The following CDK5RAP2 variants were observed in gnomAD, a reference collection of about 807,000 sequenced individuals.
The protein encoded by CDK5RAP2 is CDK5 regulatory subunit associated protein 2.
A neutral mutation model predicts 232.9 loss-of-function variants in CDK5RAP2; 147 were observed. That is an observed-to-expected ratio of 0.63 (90% CI 0.55 to 0.72). The LOEUF (loss-of-function observed/expected upper bound fraction) is 0.72. CDK5RAP2 is among the 30% of genes least tolerant of loss of function. The pLI, the probability that CDK5RAP2 is intolerant of heterozygous loss-of-function variation, is 0.00. For synonymous variants in CDK5RAP2, 833 were observed against 833.7 expected, an observed-to-expected ratio of 1.00 and a Z score of 0.01; for missense variants, 2,195 against 2,231.5, an observed-to-expected ratio of 0.98 and a Z score of 0.33.
At chr9:120,436,596 A>G (rs2035594451) in intron 25 of CDK5RAP2, among the ~76,000 whole-genome samples, 1 of 152,200 alleles carries the variant, frequency 6.6e-6, no homozygotes, top group South Asian at 2.1e-4. Context: ...CACACCCTGA[A>G]TTATCTAGGG....
chr9:120,564,847 GA>G (rs2042591996), intron 3 of CDK5RAP2, among the ~76,000 whole-genome samples: 1 of 152,218 alleles, frequency 6.6e-6, no homozygotes, highest in Non-Finnish European at 1.5e-5. Context: ...TAAAGGGAGA[GA>G]GAGATAGCAG....
chr9:120,463,970 C>T (rs142468134), intron 18 of CDK5RAP2, among the ~76,000 whole-genome samples: 3 of 152,324 alleles, frequency 2.0e-5, no homozygotes, highest in African/African-American at 7.2e-5. Context: ...AAGAAGCAAC[C>T]TCCAAGTGTC....
intron 15 of CDK5RAP2, among the ~76,000 whole-genome samples, chr9:120,472,586 C>T (rs1172990819): frequency 5.3e-5 from 8 of 152,142 alleles, no homozygotes; most frequent in Non-Finnish European, 1.2e-4. Flanking sequence ...GAGAAAAGGA[C>T]TAATCTATTA....
chr9:120,477,322 T>C, intron 15 of CDK5RAP2, 28 bp downstream of exon 15: 5 of 1,502,572 alleles, frequency 3.3e-6, no homozygotes, highest in Middle Eastern at 1.7e-4. Flanking sequence ...CGCATTCACA[T>C]GTGTGATGTC....
At chr9:120,558,057 T>C in intron 3 of CDK5RAP2, among the ~76,000 whole-genome samples, 1 of 138,240 alleles carries the variant, frequency 7.2e-6, no homozygotes, top group Non-Finnish European at 1.6e-5. Flanking sequence ...TGAGCCACCG[T>C]GCCCAGCCAA....
In CDK5RAP2 at chr9:120,487,399, G is replaced by C. The variant is rs1564287002; in HGVS notation, c.1521C>G (p.Asn507Lys). 2 of 1,613,192 alleles carry C rather than the reference G, an allele frequency of 1.2e-6. No individual in the cohort carries two copies. The highest frequency in any genetic ancestry group is 1.7e-6 in the Non-Finnish European group (2 of 1,179,488). The change falls in exon 14 of 38, where the codon AAC becomes AAG. Residue 507 changes from asparagine to lysine, a missense_variant. By Grantham distance (94) the Asn-to-Lys change is moderately conservative. Coordinates refer to ENST00000349780, the MANE Select transcript of CDK5RAP2 (RefSeq NM_018249.6). ...GATCCTCTGCAGCCATTAAATAGCA[G>C]TTCTGCTGTATTACTTCCAAATCTT... ...NEKDLEVIQQ[N>K]CYLMAAEDLE...
At chr9:120,555,664 A>T (rs1181028428) in intron 3 of CDK5RAP2, among the ~76,000 whole-genome samples, 1 of 152,250 alleles carries the variant, frequency 6.6e-6, no homozygotes, top group African/African-American at 2.4e-5. Context: ...TTGCAAAAAA[A>T]ACTAGACTTA....
intron 15 of CDK5RAP2, among the ~76,000 whole-genome samples, chr9:120,475,466 C>T (rs541235652): frequency 7.0e-4 from 106 of 152,248 alleles, no homozygotes; most frequent in South Asian, 4.6e-3. Flanking sequence ...ACCCACAAGG[C>T]CTCTCAGTAC....
At chr9:120,463,957 C>T (rs1019216647) in intron 18 of CDK5RAP2, among the ~76,000 whole-genome samples, 11 of 152,226 alleles carry the variant, frequency 7.2e-5, no homozygotes, top group African/African-American at 2.7e-4. Flanking sequence ...CCTACCACCA[C>T]TAAAGAAGCA....
At chr9:120,395,319 T>C (rs1403562793) in intron 35 of CDK5RAP2, among the ~76,000 whole-genome samples, 2 of 152,272 alleles carry the variant, frequency 1.3e-5, no homozygotes, top group Non-Finnish European at 2.9e-5. Context: ...GTGATCTTTT[T>C]CTTTTACAAA....
intron 6 of CDK5RAP2, among the ~76,000 whole-genome samples, chr9:120,537,403 C>A (rs2041439359): frequency 6.6e-6 from 1 of 152,140 alleles, no homozygotes; most frequent in African/African-American, 2.4e-5. Flanking sequence ...CCGCCCCCAC[C>A]ACTATCTCCC....
At chr9:120,464,048 C>T (rs2037236283) in intron 18 of CDK5RAP2, among the ~76,000 whole-genome samples, 1 of 152,168 alleles carries the variant, frequency 6.6e-6, no homozygotes, top group South Asian at 2.1e-4. Flanking sequence ...GCTTCTGTCC[C>T]CCTCACTCTA....
At chr9:120,421,467 T>C (rs1233406309) in intron 26 of CDK5RAP2, among the ~76,000 whole-genome samples, 1 of 152,216 alleles carries the variant, frequency 6.6e-6, no homozygotes, top group Admixed American at 6.5e-5. Context: ...CTGTGAGCTG[T>C]GATACCTCTC....
At chr9:120,566,214 C>T (rs2042641497) in intron 3 of CDK5RAP2, among the ~76,000 whole-genome samples, 1 of 152,196 alleles carries the variant, frequency 6.6e-6, no homozygotes, top group Admixed American at 6.5e-5. Context: ...CCACTACATA[C>T]AGATCATGCA....
chr9:120,527,882 G>A lies in CDK5RAP2; in HGVS notation c.923C>T (p.Thr308Ile), dbSNP rs145272328. 565 of 1,613,628 alleles carry A rather than the reference G, an allele frequency of 3.5e-4. 2 individuals are homozygous for A. The highest frequency in any genetic ancestry group is 2.5e-3 in the Middle Eastern group (15 of 6,060). Residue 308 changes from threonine (T) to isoleucine (I), a missense_variant, in exon 10 of 38, where the codon ACA (threonine) becomes ATA (isoleucine). Thr to Ile is a moderately conservative substitution (Grantham distance 89, BLOSUM62 -1). Coordinates refer to ENST00000349780, the MANE Select transcript of CDK5RAP2 (RefSeq NM_018249.6). Reference sequence around the variant, plus strand: ...CCTCTTTAGACTATTTTTCTTCTCTGTAGCAATTTCTCTTTCCTTCTCTCT... The same window carrying A: ...CCTCTTTAGACTATTTTTCTTCTCTATAGCAATTTCTCTTTCCTTCTCTCT... ...DLREKEREIA[T>I]EKKNSLKRDK...
At chr9:120,413,616 C>T (rs1248956707) in intron 28 of CDK5RAP2, among the ~76,000 whole-genome samples, 4 of 152,094 alleles carry the variant, frequency 2.6e-5, no homozygotes, top group Non-Finnish European at 4.4e-5. Flanking sequence ...CATTTGAGCC[C>T]CCAAATAATT....
chr9:120,435,427 C>A (rs1378767034), intron 25 of CDK5RAP2, among the ~76,000 whole-genome samples: 1 of 151,768 alleles, frequency 6.6e-6, no homozygotes, highest in East Asian at 1.9e-4. Flanking sequence ...ATTAAAGGCA[C>A]CATTGTGAAG....
intron 12 of CDK5RAP2, among the ~76,000 whole-genome samples, chr9:120,514,895 T>C (rs1425472129): frequency 6.6e-6 from 1 of 152,186 alleles, no homozygotes; most frequent in African/African-American, 2.4e-5. Flanking sequence ...AGAGTTTACA[T>C]GAATAAGTAA....
chr9:120,548,863 A>G (rs755523467), intron 4 of CDK5RAP2, among the ~76,000 whole-genome samples: 2 of 152,168 alleles, frequency 1.3e-5, no homozygotes, highest in Non-Finnish European at 2.9e-5. Context: ...AAAGAAAGAT[A>G]TCATTAAGTA....
Sources: allele counts gnomAD v4.1 joint callset (sites outside exome capture counted in the v4.1 genomes callset), GRCh38; gene constraint gnomAD v4.1.1; transcripts MANE v1.5; gene names NCBI Gene and HGNC (gene_info 2026-07-23, HGNC 2026-07-21).